The following TRIP12 variants were observed in gnomAD, a reference collection of about 807,000 sequenced individuals.
TRIP12 encodes the protein E3 ubiquitin-protein ligase TRIP12.
Under a neutral mutation model 244.2 loss-of-function variants are expected in TRIP12, and 25 were observed. The observed-to-expected ratio is 0.10, with a 90% CI of 0.07 to 0.14. The LOEUF (loss-of-function observed/expected upper bound fraction) is 0.14, where lower values mean the gene tolerates loss of function less well. Among genes scored for constraint, TRIP12 ranks in the 10% least tolerant of loss-of-function variants. TRIP12 has a pLI of 1.00. For missense variants in TRIP12, 1,677 were observed against 2,486.4 expected (o/e 0.67, Z 6.92); for synonymous variants, 905 against 873.1 (o/e 1.04, Z -0.64).
intron 34 of TRIP12, among the ~76,000 whole-genome samples, chr2:229,783,923 C>T (rs2039151614): frequency 6.6e-6 from 1 of 151,470 alleles, no homozygotes; most frequent in Non-Finnish European, 1.5e-5. Flanking sequence ...CCAGCCTGAC[C>T]AACATGCAGA....
intron 6 of TRIP12, among the ~76,000 whole-genome samples, chr2:229,831,904 A>G (rs1401627664): frequency 9.2e-6 from 1 of 108,272 alleles, no homozygotes; most frequent in African/African-American, 3.2e-5. Context: ...TTTTTTTTTA[A>G]CACAGATGAT....
intron 2 of TRIP12, among the ~76,000 whole-genome samples, chr2:229,872,045 C>T (rs1373845545): frequency 2.3e-5 from 3 of 128,400 alleles, no homozygotes; most frequent in African/African-American, 8.7e-5. Context: ...GATATATCTA[C>T]ATAACGGAAA....
intron 5 of TRIP12, 96 bp downstream of exon 5, chr2:229,840,726 C>A (rs2154310119): frequency 2.2e-6 from 2 of 910,452 alleles, no homozygotes; most frequent in East Asian, 2.9e-5. Flanking sequence ...ACAAACAAAA[C>A]AAAAAACAAC....
chr2:229,798,464 TAAA>T (rs34468486), intron 23 of TRIP12, among the ~76,000 whole-genome samples: 4 of 134,450 alleles, frequency 3.0e-5, no homozygotes, highest in Admixed American at 1.5e-4. Context: ...CCCAAGGACT[TAAA>T]AAAAAAAAAA....
chr2:229,842,812 T>C (rs1415557709), intron 4 of TRIP12, among the ~76,000 whole-genome samples: 1 of 152,212 alleles, frequency 6.6e-6, no homozygotes, highest in Admixed American at 6.5e-5. Flanking sequence ...ACATATTTTT[T>C]AATCAAACTT....
At chr2:229,803,405 C>T (rs908928195) in intron 20 of TRIP12, among the ~76,000 whole-genome samples, 166 bp downstream of exon 20, 3 of 152,216 alleles carry the variant, frequency 2.0e-5, no homozygotes, top group African/African-American at 4.8e-5. Context: ...TGAGCCACCA[C>T]GCCCAGCCTA....
chr2:229,815,842 AAACT>A (rs2048367864), intron 9 of TRIP12, among the ~76,000 whole-genome samples: 2 of 152,190 alleles, frequency 1.3e-5, no homozygotes, highest in Non-Finnish European at 2.9e-5. Context: ...ATCACATCAG[AAACT>A]AATTATGCAC....
Position 229,859,221 on chromosome 2 carries a change from C to T in TRIP12, c.578G>A (p.Arg193Lys), listed in dbSNP as rs777865514. The change falls in exon 4 of 42, where the codon AGG (arginine) becomes AAG (lysine). Residue 193 changes from arginine (R) to lysine (K), a missense_variant. Coordinates refer to ENST00000675903, the MANE Select transcript of TRIP12 (RefSeq NM_001348323.3). Reference sequence around the variant, plus strand: ...ACTCTTTACACAAGAACTCTCTGTCCTTTTTCTTTTCTGACTCCGTGAACC... The same window carrying T: ...ACTCTTTACACAAGAACTCTCTGTCTTTTTTCTTTTCTGACTCCGTGAACC... Reference protein sequence around the residue: ...TGGSRSQKRKRTESSCVKSGS... With the variant: ...TGGSRSQKRKKTESSCVKSGS... 23 of 1,614,042 alleles carry T rather than the reference C, an allele frequency of 1.4e-5. No homozygotes were observed. Among genetic ancestry groups the T allele is most frequent in the Non-Finnish European group, 1.8e-5 (21 of 1,180,042 alleles).
At chr2:229,872,927 G>A (rs1432744885) in intron 2 of TRIP12, among the ~76,000 whole-genome samples, 2 of 152,190 alleles carry the variant, frequency 1.3e-5, no homozygotes, top group Non-Finnish European at 2.9e-5. Flanking sequence ...GAATAGGACT[G>A]TAGTTTTTAC....
chr2:229,848,907 A>G (rs1575947946), intron 4 of TRIP12, among the ~76,000 whole-genome samples: 2 of 152,370 alleles, frequency 1.3e-5, no homozygotes, highest in Admixed American at 1.3e-4. Flanking sequence ...ATTTTCAGAC[A>G]TCTAAATTTT....
chr2:229,920,888 T>C (rs1393656605), intron 1 of TRIP12, among the ~76,000 whole-genome samples: 11 of 152,196 alleles, frequency 7.2e-5, no homozygotes, highest in Non-Finnish European at 1.5e-4. Context: ...CCACTCACTA[T>C]GGAGAAGGAA....
At chr2:229,851,089 C>T (rs905892218) in intron 4 of TRIP12, among the ~76,000 whole-genome samples, 4 of 152,254 alleles carry the variant, frequency 2.6e-5, no homozygotes. Context: ...CACCCAAGGG[C>T]TGAGGAGTCC....
In TRIP12 at chr2:229,789,592, A is replaced by T; in HGVS notation, c.4695+19T>A. On this transcript the variant is annotated intron_variant, in intron 31 of 41. Transcript: ENST00000675903. ...AATCACAGACCATGAAAACTTCATAAATAGGCAACATTACTCACATCATAC... is the reference window on the plus strand; with the variant it reads ...AATCACAGACCATGAAAACTTCATATATAGGCAACATTACTCACATCATAC... 1 of 1,605,444 alleles carries T rather than the reference A, an allele frequency of 6.2e-7. No homozygotes were observed. The highest frequency in any genetic ancestry group is 1.3e-5 in the African/African-American group (1 of 74,680).
intron 1 of TRIP12, among the ~76,000 whole-genome samples, chr2:229,920,857 A>T (rs2076388575): frequency 6.6e-6 from 1 of 152,146 alleles, no homozygotes; most frequent in African/African-American, 2.4e-5. Flanking sequence ...CTCCCCTCTA[A>T]CTTGTTCCTG....
At chr2:229,875,260 CTACTT>C (rs1264333152) in intron 2 of TRIP12, among the ~76,000 whole-genome samples, 28 of 152,110 alleles carry the variant, frequency 1.8e-4, no homozygotes, top group Non-Finnish European at 1.3e-4. Context: ...TCCTCAGACT[CTACTT>C]TCATTTATCT....
intron 15 of TRIP12, among the ~76,000 whole-genome samples, chr2:229,809,806 A>G (rs933427523): frequency 1.3e-5 from 2 of 152,216 alleles, no homozygotes; most frequent in African/African-American, 4.8e-5. Flanking sequence ...TTTTTCTACA[A>G]AGTTCTGTGC....
At chr2:229,774,755 T>C (rs1447544074) in intron 37 of TRIP12, among the ~76,000 whole-genome samples, 1 of 151,918 alleles carries the variant, frequency 6.6e-6, no homozygotes, top group Non-Finnish European at 1.5e-5. Context: ...GAATGAAGCC[T>C]GGAGAGACTT....
intron 6 of TRIP12, among the ~76,000 whole-genome samples, chr2:229,833,865 T>C (rs545813168): frequency 3.9e-4 from 60 of 152,262 alleles, no homozygotes; most frequent in Non-Finnish European, 7.4e-4. Flanking sequence ...TAGTTTTGTA[T>C]GTTTTACAAA....
At chr2:229,913,913 G>A (rs1158223123) in intron 1 of TRIP12, among the ~76,000 whole-genome samples, 1 of 152,202 alleles carries the variant, frequency 6.6e-6, no homozygotes, top group East Asian at 1.9e-4. Flanking sequence ...GAATAGGAGA[G>A]TAAGGAGTAA....
Sources: allele counts gnomAD v4.1 joint callset (sites outside exome capture counted in the v4.1 genomes callset), GRCh38; gene constraint gnomAD v4.1.1; transcripts MANE v1.5; gene names NCBI Gene and HGNC (gene_info 2026-07-23, HGNC 2026-07-21).